Variants in DLC1 observed in about 807,000 individuals in gnomAD.
DLC1 encodes DLC1 Rho GTPase activating protein.
A neutral mutation model predicts 140.3 loss-of-function variants in DLC1; 54 were observed. That is an observed-to-expected ratio of 0.38 (90% CI 0.31 to 0.48). The LOEUF is 0.48. Ranked by LOEUF, DLC1 falls within the 20% of genes least tolerant of loss-of-function variation. The pLI is 0.96. For synonymous variants in DLC1, 986 were observed against 728.1 expected, an observed-to-expected ratio of 1.35 and a Z score of -5.70; for missense variants, 2,536 against 1,907.0, an observed-to-expected ratio of 1.33 and a Z score of -6.14.
intron 7 of DLC1, among the ~76,000 whole-genome samples, chr8:13,109,193 G>A (rs1292495355): frequency 6.6e-6 from 1 of 152,138 alleles, no homozygotes; most frequent in East Asian, 1.9e-4. Flanking sequence ...AACTACCACT[G>A]CTTTCCTTGC....
At position 13,415,788 on chromosome 8, in the gene DLC1, AT is replaced by A. The variant is rs545727119; in HGVS notation, c.1024-14170del. The stretch of plus-strand genomic sequence containing the variant: ...AGAAGTGCTGGATAGTATGTTCATG[AT>A]TTTTTTTCTCTACATATACACAAAC... On this transcript the variant is annotated intron_variant, in intron 2 of 17. Coordinates refer to ENST00000276297, the MANE Select transcript of DLC1 (RefSeq NM_182643.3). 5.9e-3 allele frequency among the ~76,000 whole-genome samples: 903 copies of A among 152,010 alleles called. 11 individuals are homozygous for A. The highest frequency in any genetic ancestry group is 0.021 in the African/African-American group (870 of 41,458).
chr8:13,266,142 C>T (rs1393021649), intron 5 of DLC1, among the ~76,000 whole-genome samples: 6 of 152,186 alleles, frequency 3.9e-5, no homozygotes, highest in African/African-American at 1.2e-4. Context: ...AAAAAAAATA[C>T]TAAGCAGTAA....
At chr8:13,462,528 C>A (rs1213647825) in intron 2 of DLC1, among the ~76,000 whole-genome samples, 3 of 151,744 alleles carry the variant, frequency 2.0e-5, no homozygotes, top group Non-Finnish European at 4.4e-5. Context: ...CCCAGCCTCC[C>A]GAGTAGGTGG....
intron 7 of DLC1, among the ~76,000 whole-genome samples, chr8:13,105,115 G>A (rs1166955005): frequency 6.6e-6 from 1 of 152,122 alleles, no homozygotes; most frequent in East Asian, 1.9e-4. Context: ...GAGGCCTATG[G>A]GGCTGGAGAG....
At chr8:13,526,936 T>A (rs1802937699) in intron 1 of DLC1, among the ~76,000 whole-genome samples, 1 of 152,198 alleles carries the variant, frequency 6.6e-6, no homozygotes, top group Admixed American at 6.5e-5. Context: ...AAAAAAGTTT[T>A]CATAAAAAAA....
chr8:13,229,651 AAGAGAG>A (rs201386292), intron 5 of DLC1, among the ~76,000 whole-genome samples: 1 of 150,516 alleles, frequency 6.6e-6, no homozygotes, highest in Admixed American at 6.6e-5. Context: ...GAGAGAGAGA[AAGAGAG>A]AGAGAGAGAA....
rs545472553 is a variant in DLC1, at chr8:13,272,025, G to A, written c.1348+33244C>T. Among the ~76,000 whole-genome samples the A allele has an allele frequency of 2.6e-5, 4 of 152,306 alleles. No individual in the cohort carries two copies. The East Asian group carries it at 5.8e-4, about 22-fold the overall frequency. On this transcript the variant is annotated intron_variant, in intron 5 of 17. Coordinates refer to ENST00000276297, the MANE Select transcript of DLC1 (RefSeq NM_182643.3). ...ATGTGACGTCACATATCTCAATCAG[G>A]TGGAGGCATTTAGACTTTTTCCCTT...
chr8:13,087,688 G>A (rs954517735), intron 16 of DLC1, among the ~76,000 whole-genome samples: 3 of 152,206 alleles, frequency 2.0e-5, no homozygotes, highest in Admixed American at 6.5e-5. Context: ...TTTCACAAAT[G>A]TCTTGGAACA....
intron 3 of DLC1, among the ~76,000 whole-genome samples, chr8:13,400,545 T>C (rs75386551): frequency 0.034 from 5,113 of 152,308 alleles, 115 homozygotes; most frequent in South Asian, 0.076. Flanking sequence ...TGTGGGCTGA[T>C]GTGTGCAATA....
chr8:13,493,602 G>A (rs1314966527), intron 2 of DLC1, among the ~76,000 whole-genome samples: 1 of 152,074 alleles, frequency 6.6e-6, no homozygotes, highest in Non-Finnish European at 1.5e-5. Context: ...TTGAAACTAT[G>A]TATTATTGTT....
chr8:13,429,751 C>G (rs1299289222), intron 2 of DLC1, among the ~76,000 whole-genome samples: 3 of 152,148 alleles, frequency 2.0e-5, no homozygotes, highest in African/African-American at 7.2e-5. Context: ...AATAATTCTT[C>G]TTGCTCAGAA....
intron 1 of DLC1, among the ~76,000 whole-genome samples, chr8:13,599,833 A>G (rs1038323109): frequency 3.3e-5 from 5 of 151,964 alleles, no homozygotes; most frequent in Admixed American, 6.6e-5. Flanking sequence ...GAAAGAAAAA[A>G]CATAAAAATT....
intron 2 of DLC1, among the ~76,000 whole-genome samples, chr8:13,451,389 T>C (rs958186126): frequency 1.3e-5 from 2 of 152,062 alleles, no homozygotes; most frequent in African/African-American, 4.8e-5. Context: ...TTACACTCTT[T>C]TAGTTATTTT....
chr8:13,173,255 G>A (rs554944449), intron 5 of DLC1, among the ~76,000 whole-genome samples: 2 of 152,194 alleles, frequency 1.3e-5, no homozygotes, highest in Non-Finnish European at 2.9e-5. Flanking sequence ...CAGAGCTCGC[G>A]TGGGGTGGGA....
At chr8:13,441,897 G>A (rs1035694390) in intron 2 of DLC1, among the ~76,000 whole-genome samples, 3 of 152,160 alleles carry the variant, frequency 2.0e-5, no homozygotes, top group African/African-American at 4.8e-5. Flanking sequence ...GCATTGCCAA[G>A]TCAATCCTAA....
At chr8:13,278,506 C>T (rs907386369) in intron 5 of DLC1, among the ~76,000 whole-genome samples, 5 of 152,162 alleles carry the variant, frequency 3.3e-5, no homozygotes, top group Admixed American at 6.6e-5. Flanking sequence ...AATATCACAT[C>T]GACCAAAAGT....
At chr8:13,590,893 A>G (rs1046000757) in intron 1 of DLC1, among the ~76,000 whole-genome samples, 1 of 152,116 alleles carries the variant, frequency 6.6e-6, no homozygotes, top group Non-Finnish European at 1.5e-5. Flanking sequence ...TTCTTTTTCT[A>G]AAAGCGATAC....
chr8:13,443,941 C>T (rs1272705991), intron 2 of DLC1, among the ~76,000 whole-genome samples: 1 of 152,130 alleles, frequency 6.6e-6, no homozygotes, highest in Non-Finnish European at 1.5e-5. Context: ...ACACAGTTAG[C>T]CAGCAATATC....
At chr8:13,367,567 G>A (rs971485374) in intron 4 of DLC1, among the ~76,000 whole-genome samples, 3 of 152,116 alleles carry the variant, frequency 2.0e-5, no homozygotes, top group African/African-American at 2.4e-5. Context: ...AGACAAAGAC[G>A]TGCTTATTTG....
Sources: gnomAD v4.1 joint callset for allele counts (sites outside exome capture counted in the v4.1 genomes callset) on GRCh38, gnomAD v4.1.1 for gene constraint, MANE v1.5 for transcripts, NCBI Gene and HGNC (gene_info 2026-07-23, HGNC 2026-07-21) for gene names.